Variants in STK32B observed in about 807,000 individuals in gnomAD.
STK32B encodes the protein serine/threonine kinase 32B.
STK32B carries 43 observed loss-of-function variants against 52.6 expected under a neutral mutation model. The ratio of observed to expected loss-of-function variants is 0.82; its 90% confidence interval spans 0.64 to 1.05. The LOEUF (loss-of-function observed/expected upper bound fraction) is 1.05, where lower values mean the gene tolerates loss of function less well. Ranked by LOEUF, STK32B falls within the 50% of genes least tolerant of loss-of-function variation. STK32B has a pLI of 0.00. For missense variants in STK32B, 621 were observed against 534.6 expected, an observed-to-expected ratio of 1.16 and a Z score of -1.59; for synonymous variants, 238 against 204.3, an observed-to-expected ratio of 1.17 and a Z score of -1.41.
In STK32B at chr4:5,159,045, T is replaced by C. The variant is rs910377074; in HGVS notation, c.109-9254T>C. ...CATCTCAGTGACATCAGCTGTACAATGTTGCAAGTGAATACCAGCAAGCTT... is the reference window on the plus strand; with the variant it reads ...CATCTCAGTGACATCAGCTGTACAACGTTGCAAGTGAATACCAGCAAGCTT... On this transcript the variant is annotated intron_variant, in intron 2 of 11. Coordinates refer to ENST00000282908, the MANE Select transcript of STK32B (RefSeq NM_018401.3). 6.6e-5 allele frequency among the ~76,000 whole-genome samples: 10 copies of C among 152,106 alleles called. No individual in the cohort carries two copies. In the East Asian group the frequency reaches 1.7e-3, roughly 26 times the overall value.
chr4:5,303,774 A>ATTT (rs1031598602), intron 3 of STK32B, among the ~76,000 whole-genome samples: 1 of 151,760 alleles, frequency 6.6e-6, no homozygotes, highest in Non-Finnish European at 1.5e-5. Context: ...TCTAGAAGGG[A>ATTT]TTTTCCAATG....
intron 3 of STK32B, among the ~76,000 whole-genome samples, chr4:5,201,121 G>A (rs1381743581): frequency 6.6e-6 from 1 of 152,222 alleles, no homozygotes; most frequent in Admixed American, 6.5e-5. Flanking sequence ...CTGATCAGTT[G>A]AATGGGTCTC....
chr4:5,257,518 C>T (rs1726407157), intron 3 of STK32B, among the ~76,000 whole-genome samples: 3 of 152,234 alleles, frequency 2.0e-5, no homozygotes, highest in African/African-American at 7.2e-5. Flanking sequence ...ATCATCAGCC[C>T]TATGGGTCTT....
chr4:5,203,101 A>G (rs1722282853), intron 3 of STK32B, among the ~76,000 whole-genome samples: 1 of 152,160 alleles, frequency 6.6e-6, no homozygotes, highest in South Asian at 2.1e-4. Flanking sequence ...TCTGGCTTCA[A>G]TTTCACTCTT....
chr4:5,335,009 A>T (rs879878111), intron 4 of STK32B, among the ~76,000 whole-genome samples: 1,901 of 152,060 alleles, frequency 0.013, 22 homozygotes, highest in Non-Finnish European at 0.021. Flanking sequence ...GTTAAGGAGG[A>T]TTCCCTCTTT....
intron 11 of STK32B, among the ~76,000 whole-genome samples, chr4:5,484,797 C>G (rs1719011958): frequency 6.6e-6 from 1 of 152,154 alleles, no homozygotes; most frequent in African/African-American, 2.4e-5. Context: ...GTGACAAAAT[C>G]TCTCAGCATT....
intron 11 of STK32B, among the ~76,000 whole-genome samples, chr4:5,493,650 A>T (rs2108729730): frequency 6.6e-6 from 1 of 152,086 alleles, no homozygotes; most frequent in East Asian, 1.9e-4. Flanking sequence ...TTGCTTCTCT[A>T]GTTCTTTTAA....
At chr4:5,359,694 G>C (rs1217941939) in intron 4 of STK32B, among the ~76,000 whole-genome samples, 3 of 152,184 alleles carry the variant, frequency 2.0e-5, no homozygotes, top group Non-Finnish European at 4.4e-5. Context: ...TGTGAGTAAA[G>C]AGCTGGAGGA....
intron 3 of STK32B, among the ~76,000 whole-genome samples, chr4:5,305,384 T>G (rs1480667553): frequency 6.6e-6 from 1 of 152,132 alleles, no homozygotes; most frequent in Non-Finnish European, 1.5e-5. Context: ...ATCGATCTGT[T>G]TAGGGTTTCT....
chr4:5,444,191 T>G (rs1324516582), intron 6 of STK32B, among the ~76,000 whole-genome samples: 1 of 151,958 alleles, frequency 6.6e-6, no homozygotes, highest in Admixed American at 6.6e-5. Context: ...CGGGCGCCCC[T>G]CCCCCAGCCT....
intron 2 of STK32B, among the ~76,000 whole-genome samples, chr4:5,151,364 C>T (rs979186895): frequency 5.9e-5 from 9 of 152,132 alleles, no homozygotes; most frequent in Admixed American, 2.0e-4. Flanking sequence ...AAACCATCCT[C>T]CTAATATTGA....
intron 3 of STK32B, among the ~76,000 whole-genome samples, chr4:5,258,653 G>A (rs1726493471): frequency 6.6e-6 from 1 of 151,996 alleles, no homozygotes; most frequent in South Asian, 2.1e-4. Flanking sequence ...GCACATCCAG[G>A]ATCCAGTCAC....
At chr4:5,034,952 G>A in the STK32B span, among the ~76,000 whole-genome samples, 1 of 152,208 alleles carries the variant, frequency 6.6e-6, no homozygotes, top group Non-Finnish European at 1.5e-5. Context: ...TCCTTTGAAT[G>A]GTGCTAACAA....
chr4:5,434,380 A>T (rs1290197191), intron 6 of STK32B, among the ~76,000 whole-genome samples: 5 of 152,052 alleles, frequency 3.3e-5, no homozygotes, highest in African/African-American at 1.2e-4. Flanking sequence ...TATGAACGTC[A>T]GGAAATTTTG....
intron 4 of STK32B, among the ~76,000 whole-genome samples, chr4:5,348,326 C>T (rs1295696519): frequency 6.6e-6 from 1 of 152,134 alleles, no homozygotes. Context: ...CACCTTCTTC[C>T]CAGTCCTAAG....
At chr4:5,412,898 G>C (rs1711816639) in intron 5 of STK32B, among the ~76,000 whole-genome samples, 1 of 151,996 alleles carries the variant, frequency 6.6e-6, no homozygotes. Context: ...CTCTCACTTG[G>C]AGTAAAGCCA....
intron 5 of STK32B, among the ~76,000 whole-genome samples, chr4:5,402,096 G>A (rs1171113551): frequency 6.6e-6 from 1 of 152,252 alleles, no homozygotes; most frequent in Admixed American, 6.5e-5. Context: ...GCAAGAGCAG[G>A]AGAGCCCAGC....
At chr4:5,387,571 G>A (rs1452651482) in intron 4 of STK32B, among the ~76,000 whole-genome samples, 2 of 152,110 alleles carry the variant, frequency 1.3e-5, no homozygotes, top group Admixed American at 1.3e-4. Context: ...GGGGCCTGGA[G>A]GAGGGCACTC....
chr4:5,298,101 A>G (rs569184479), intron 3 of STK32B, among the ~76,000 whole-genome samples: 4 of 152,264 alleles, frequency 2.6e-5, no homozygotes, highest in South Asian at 2.1e-4. Context: ...TTGCCTGGGT[A>G]TCACCAGCGG....
Sources: allele counts gnomAD v4.1 joint callset (sites outside exome capture counted in the v4.1 genomes callset), GRCh38; gene constraint gnomAD v4.1.1; transcripts MANE v1.5; gene names NCBI Gene and HGNC (gene_info 2026-07-23, HGNC 2026-07-21).